Variants in PDE7B observed in about 807,000 individuals in gnomAD.
PDE7B encodes the protein 3',5'-cyclic-AMP phosphodiesterase 7B.
Under a neutral mutation model 56.2 loss-of-function variants are expected in PDE7B, and 29 were observed. That is an observed-to-expected ratio of 0.52 (90% CI 0.38 to 0.70). The LOEUF (loss-of-function observed/expected upper bound fraction) is 0.70, where lower values mean the gene tolerates loss of function less well. Among genes scored for constraint, PDE7B ranks in the 30% least tolerant of loss-of-function variants. The pLI is 0.00. For missense variants in PDE7B, 490 were observed against 565.0 expected (o/e 0.87, Z 1.35); for synonymous variants, 197 against 196.9 (o/e 1.00, Z 0.00).
At chr6:136,179,656 A>G (rs1184446173) in intron 10 of PDE7B, among the ~76,000 whole-genome samples, 1 of 152,232 alleles carries the variant, frequency 6.6e-6, no homozygotes, top group East Asian at 1.9e-4. Context: ...CACACATTTT[A>G]AAAGACTGTT....
At chr6:135,876,232 T>TA (rs1429440259) in intron 1 of PDE7B, among the ~76,000 whole-genome samples, 5 of 152,148 alleles carry the variant, frequency 3.3e-5, no homozygotes, top group Non-Finnish European at 7.4e-5. Flanking sequence ...CCACCATGCC[T>TA]AGCACAGAAG....
In PDE7B at chr6:136,147,363, CAG is replaced by C; in HGVS notation, c.180_181del (p.Glu62AspfsTer37). The stretch of plus-strand genomic sequence containing the variant: ...TGACTTTCCACAGGTACAACATACT[CAG>C]GGGAGATTGGCACCAAGAAAAAGGT... On this transcript the variant is annotated frameshift_variant, in exon 4 of 13. Coordinates refer to ENST00000308191, the MANE Select transcript of PDE7B (RefSeq NM_018945.4). LOFTEE classifies it high-confidence loss of function. 1 of 1,611,982 alleles carries C rather than the reference CAG, an allele frequency of 6.2e-7. No individual in the cohort carries two copies. The highest frequency in any genetic ancestry group is 8.5e-7 in the Non-Finnish European group (1 of 1,178,284).
At chr6:136,003,157 A>T (rs1350585714) in intron 2 of PDE7B, among the ~76,000 whole-genome samples, 3 of 152,198 alleles carry the variant, frequency 2.0e-5, no homozygotes, top group Non-Finnish European at 4.4e-5. Context: ...AACCAACGAG[A>T]ACAAAGACAC....
At chr6:135,943,404 C>G (rs1052426958) in intron 1 of PDE7B, among the ~76,000 whole-genome samples, 1 of 152,114 alleles carries the variant, frequency 6.6e-6, no homozygotes, top group Non-Finnish European at 1.5e-5. Context: ...GCAATTCTTG[C>G]AAACAGCCAG....
intron 2 of PDE7B, chr6:136,072,579 G>A (rs1218315682): frequency 2.6e-5 from 4 of 152,184 alleles, no homozygotes; most frequent in Admixed American, 6.5e-5. Context: ...GCTTTGCAGA[G>A]CTCCATGACC....
intron 2 of PDE7B, among the ~76,000 whole-genome samples, chr6:136,075,236 A>G (rs1362215572): frequency 1.3e-5 from 2 of 152,174 alleles, no homozygotes; most frequent in Non-Finnish European, 2.9e-5. Context: ...TTAAAGGAAA[A>G]AGGGGCATCT....
chr6:136,001,287 G>A (rs190904853), intron 2 of PDE7B, among the ~76,000 whole-genome samples: 2 of 152,334 alleles, frequency 1.3e-5, no homozygotes, highest in Non-Finnish European at 2.9e-5. Flanking sequence ...CTAAAAAGCA[G>A]AGCACCTCTC....
chr6:135,898,830 A>G (rs1775946855), intron 1 of PDE7B, among the ~76,000 whole-genome samples: 1 of 152,166 alleles, frequency 6.6e-6, no homozygotes, highest in Non-Finnish European at 1.5e-5. Context: ...AATAAATGCT[A>G]GAAGTAAAAC....
intron 6 of PDE7B, among the ~76,000 whole-genome samples, chr6:136,152,702 T>A (rs1207459129): frequency 6.6e-6 from 1 of 152,260 alleles, no homozygotes; most frequent in South Asian, 2.1e-4. Flanking sequence ...CTCTGCCATT[T>A]ACATGTTTCT....
intron 1 of PDE7B, among the ~76,000 whole-genome samples, chr6:135,875,299 A>G (rs1775471258): frequency 6.6e-6 from 1 of 151,940 alleles, no homozygotes; most frequent in Admixed American, 6.6e-5. Flanking sequence ...GCTTTCAACT[A>G]GATGGATTGA....
At chr6:136,180,546 T>G (rs1779047361) in intron 10 of PDE7B, among the ~76,000 whole-genome samples, 1 of 152,172 alleles carries the variant, frequency 6.6e-6, no homozygotes, top group Non-Finnish European at 1.5e-5. Flanking sequence ...TGCCAAGGAA[T>G]TGGGTCAAAC....
chr6:136,187,927 T>C (rs1403882223), intron 12 of PDE7B, among the ~76,000 whole-genome samples: 1 of 152,186 alleles, frequency 6.6e-6, no homozygotes, highest in African/African-American at 2.4e-5. Context: ...CTCTTTTCCT[T>C]ATAAACTCTG....
chr6:135,908,571 A>G (rs904128552), intron 1 of PDE7B, among the ~76,000 whole-genome samples: 1 of 152,216 alleles, frequency 6.6e-6, no homozygotes, highest in African/African-American at 2.4e-5. Flanking sequence ...CACTGGAAGC[A>G]ACTGAAATGT....
intron 11 of PDE7B, among the ~76,000 whole-genome samples, chr6:136,182,492 G>A (rs1779082252): frequency 6.6e-6 from 1 of 152,176 alleles, no homozygotes; most frequent in Admixed American, 6.5e-5. Flanking sequence ...TAGTGAGAGA[G>A]GGGCTAAGAT....
At chr6:136,108,968 A>G (rs2128217967) in intron 3 of PDE7B, among the ~76,000 whole-genome samples, 154 bp downstream of exon 3, 2 of 152,200 alleles carry the variant, frequency 1.3e-5, no homozygotes, top group Middle Eastern at 3.4e-3. Context: ...TTTGTCTTTG[A>G]GTTTCCTCAC....
intron 3 of PDE7B, among the ~76,000 whole-genome samples, chr6:136,125,361 G>A (rs1262563484): frequency 6.6e-6 from 1 of 152,002 alleles, no homozygotes; most frequent in East Asian, 1.9e-4. Flanking sequence ...ATCGCTTGAG[G>A]GCAGGAGTTT....
rs563369747 is a variant in PDE7B, at chr6:135,883,382, G to T, written c.21+31363G>T. On this transcript the variant is annotated intron_variant, in intron 1 of 12. Coordinates refer to ENST00000308191, the MANE Select transcript of PDE7B (RefSeq NM_018945.4). ...AATAATAACAATTCAGCAAAGTTAA[G>T]TGAGGACTGTCTCTCAATGTCTAAT... Among the ~76,000 whole-genome samples the T allele has an allele frequency of 1.7e-3, 262 of 152,274 alleles. 1 individual carries two copies. The highest frequency in any genetic ancestry group is 5.8e-3 in the African/African-American group (241 of 41,564).
chr6:135,898,445 A>T (rs1775940284), intron 1 of PDE7B, among the ~76,000 whole-genome samples: 1 of 152,128 alleles, frequency 6.6e-6, no homozygotes, highest in African/African-American at 2.4e-5. Context: ...ACCTGTAATC[A>T]TGTCCCCCAG....
At chr6:135,957,259 A>G (rs574399438) in intron 2 of PDE7B, among the ~76,000 whole-genome samples, 1 of 152,254 alleles carries the variant, frequency 6.6e-6, no homozygotes, top group South Asian at 2.1e-4. Flanking sequence ...AGGTGAATGC[A>G]AGCATACAGA....
Sources: gnomAD v4.1 joint callset for allele counts (sites outside exome capture counted in the v4.1 genomes callset) on GRCh38, gnomAD v4.1.1 for gene constraint, MANE v1.5 for transcripts, NCBI Gene and HGNC (gene_info 2026-07-23, HGNC 2026-07-21) for gene names.